SDK1: variants seen among roughly 807,000 people sequenced by gnomAD.
The protein encoded by SDK1 is sidekick cell adhesion molecule 1.
A neutral mutation model predicts 245.5 loss-of-function variants in SDK1; 157 were observed. The ratio of observed to expected loss-of-function variants is 0.64; its 90% confidence interval spans 0.56 to 0.73. SDK1 has a LOEUF of 0.73. SDK1 is among the 30% of genes least tolerant of loss of function. The pLI, the probability that SDK1 is intolerant of heterozygous loss-of-function variation, is 0.00. For synonymous variants in SDK1, 1,647 were observed against 1,278.5 expected (o/e 1.29, Z -6.15); for missense variants, 3,583 against 3,002.3 (o/e 1.19, Z -4.52).
intron 2 of SDK1, among the ~76,000 whole-genome samples, chr7:3,633,037 G>A (rs1308345251): frequency 6.6e-6 from 1 of 151,962 alleles, no homozygotes; most frequent in African/African-American, 2.4e-5. Context: ...TTCCAAGAAG[G>A]ACATAAATGG....
intron 29 of SDK1, among the ~76,000 whole-genome samples, 154 bp downstream of exon 29, chr7:4,146,070 T>C (rs663466): frequency 0.83 from 125,572 of 151,766 alleles, 52,361 homozygotes; most frequent in African/African-American, 0.93. Context: ...CCATTGCACC[T>C]GACATGGAGC....
chr7:3,607,807 A>ATT (rs1327088469), intron 1 of SDK1, among the ~76,000 whole-genome samples: 1 of 152,252 alleles, frequency 6.6e-6, no homozygotes, highest in Non-Finnish European at 1.5e-5. Flanking sequence ...AATAGGAACT[A>ATT]ACACGTAGAT....
chr7:4,221,424 C>A, intron 40 of SDK1, 60 bp downstream of exon 40: 1 of 1,530,764 alleles, frequency 6.5e-7, no homozygotes. Flanking sequence ...GCTTCTAAGA[C>A]TGTGTCGGGG....
At chr7:3,635,634 G>A (rs1782434462) in intron 2 of SDK1, among the ~76,000 whole-genome samples, 1 of 152,158 alleles carries the variant, frequency 6.6e-6, no homozygotes. Flanking sequence ...ATCTTTTTGG[G>A]TGGGTAAAGT....
At chr7:3,901,703 C>T (rs1196215447) in intron 5 of SDK1, among the ~76,000 whole-genome samples, 1 of 152,206 alleles carries the variant, frequency 6.6e-6, no homozygotes, top group Non-Finnish European at 1.5e-5. Context: ...TCTTTACTCA[C>T]TCACGGGTGA....
intron 28 of SDK1, among the ~76,000 whole-genome samples, chr7:4,135,387 T>C (rs1169865390): frequency 6.6e-6 from 1 of 152,208 alleles, no homozygotes; most frequent in Non-Finnish European, 1.5e-5. Flanking sequence ...CGCTCTGCAC[T>C]TCCAGGCCTT....
At chr7:4,236,413 T>A (rs1451820989) in intron 41 of SDK1, among the ~76,000 whole-genome samples, 1 of 151,912 alleles carries the variant, frequency 6.6e-6, no homozygotes, top group African/African-American at 2.4e-5. Flanking sequence ...TTTTTTTCTA[T>A]TGATTTCTCA....
chr7:3,987,453 T>G (rs73040413), intron 14 of SDK1, 131 bp downstream of exon 14: 74,381 of 945,352 alleles, frequency 0.079, 3,397 homozygotes, highest in Middle Eastern at 0.12. Flanking sequence ...TTACAGGGTT[T>G]CAAACACAGC....
At chr7:3,913,318 G>C (rs565163885) in intron 5 of SDK1, among the ~76,000 whole-genome samples, 54 of 146,870 alleles carry the variant, frequency 3.7e-4, no homozygotes, top group African/African-American at 1.3e-3. Flanking sequence ...TTTTGAGATG[G>C]AGTCTCGCTC....
At chr7:3,550,839 T>C (rs532581516) in intron 1 of SDK1, among the ~76,000 whole-genome samples, 1 of 152,352 alleles carries the variant, frequency 6.6e-6, no homozygotes, top group Non-Finnish European at 1.5e-5. Context: ...AGAAAATGTT[T>C]TTACTGTATT....
chr7:3,650,391 T>G (rs551780761), intron 4 of SDK1, among the ~76,000 whole-genome samples: 1 of 152,342 alleles, frequency 6.6e-6, no homozygotes, highest in South Asian at 2.1e-4. Context: ...AAACCACTGT[T>G]CTGCTTTCTG....
At chr7:3,879,721 C>G (rs1464901534) in intron 5 of SDK1, among the ~76,000 whole-genome samples, 5 of 152,150 alleles carry the variant, frequency 3.3e-5, no homozygotes, top group Non-Finnish European at 5.9e-5. Context: ...CTTTTCTTCC[C>G]CTACACAAAC....
At chr7:3,990,511 G>A (rs1157524415) in intron 14 of SDK1, among the ~76,000 whole-genome samples, 2 of 152,220 alleles carry the variant, frequency 1.3e-5, no homozygotes, top group African/African-American at 2.4e-5. Context: ...TGAGGATGGC[G>A]TGGCCATGCT....
At chr7:3,530,805 A>T (rs1370197305) in intron 1 of SDK1, among the ~76,000 whole-genome samples, 2 of 152,214 alleles carry the variant, frequency 1.3e-5, no homozygotes, top group East Asian at 3.8e-4. Context: ...TTTGAATTTC[A>T]TCTGTGAAAC....
chr7:3,387,309 C>A (rs977520030), intron 1 of SDK1, among the ~76,000 whole-genome samples: 2 of 152,170 alleles, frequency 1.3e-5, no homozygotes, highest in Non-Finnish European at 2.9e-5. Flanking sequence ...TCCCCACCAA[C>A]CCCTGAATTC....
chr7:3,576,172 C>G (rs1036338912), intron 1 of SDK1, among the ~76,000 whole-genome samples: 7 of 152,132 alleles, frequency 4.6e-5, no homozygotes, highest in African/African-American at 1.7e-4. Context: ...TGCTTTGGAT[C>G]TCTTAAGGGA....
intron 1 of SDK1, among the ~76,000 whole-genome samples, chr7:3,590,933 C>T (rs1014763317): frequency 6.6e-6 from 1 of 152,072 alleles, no homozygotes; most frequent in African/African-American, 2.4e-5. Flanking sequence ...CTGGCATGTG[C>T]CACCACACGT....
At chr7:3,470,163 A>C (rs185065523) in intron 1 of SDK1, among the ~76,000 whole-genome samples, 1 of 152,182 alleles carries the variant, frequency 6.6e-6, no homozygotes, top group African/African-American at 2.4e-5. Flanking sequence ...GTTTGAATCT[A>C]CATACTAAAA....
At position 3,638,993 on chromosome 7, in the gene SDK1, C is replaced by T. The variant is rs527634978; in HGVS notation, c.459-11C>T. 1.3e-6 allele frequency: 2 copies of T among 1,558,998 alleles called. No homozygotes were observed. The highest frequency in any genetic ancestry group is 3.4e-5 in the Admixed American group (2 of 58,156). ...ATATAAGCATTAACACTTCTTTTTG[C>T]TATTCAACAGGTACATTATTCCATC... On this transcript the variant is annotated splice_polypyrimidine_tract_variant and intron_variant, in intron 2 of 44. Transcript: ENST00000404826.
Sources: gnomAD v4.1 joint callset for allele counts (sites outside exome capture counted in the v4.1 genomes callset) on GRCh38, gnomAD v4.1.1 for gene constraint, MANE v1.5 for transcripts, NCBI Gene and HGNC (gene_info 2026-07-23, HGNC 2026-07-21) for gene names.